The following POU2AF2 variants were observed in gnomAD, a reference collection of about 807,000 sequenced individuals.
The protein encoded by POU2AF2 is POU class 2 homeobox associating factor 2.
the POU2AF2 span, among the ~76,000 whole-genome samples, chr11:111,258,190 A>G: frequency 2.6e-5 from 4 of 152,230 alleles, no homozygotes; most frequent in Non-Finnish European, 5.9e-5. Context: ...GAGAGAAGGA[A>G]TTCAGAATCT....
chr11:111,280,378 G>A, the POU2AF2 span, among the ~76,000 whole-genome samples: 14 of 152,030 alleles, frequency 9.2e-5, no homozygotes, highest in East Asian at 1.9e-4. Flanking sequence ...CCTTAGCCAT[G>A]GTTTCCCTTT....
the POU2AF2 span, among the ~76,000 whole-genome samples, chr11:111,283,915 G>A: frequency 6.6e-5 from 10 of 152,298 alleles, no homozygotes; most frequent in African/African-American, 2.4e-4. Context: ...GCTAATGCAG[G>A]AATATTTCAC....
chr11:111,271,296 C>G, the POU2AF2 span, among the ~76,000 whole-genome samples: 1 of 151,738 alleles, frequency 6.6e-6, no homozygotes, highest in Non-Finnish European at 1.5e-5. Flanking sequence ...GCACTGCAGC[C>G]TGGGTGACAA....
the POU2AF2 span, chr11:111,281,585 G>C: frequency 8.0e-6 from 7 of 872,308 alleles, no homozygotes; most frequent in African/African-American, 1.0e-4. Flanking sequence ...AATCAGCGAA[G>C]GACAGAACTC....
At chr11:111,283,284 C>T in the POU2AF2 span, among the ~76,000 whole-genome samples, 4 of 151,920 alleles carry the variant, frequency 2.6e-5, no homozygotes, top group Non-Finnish European at 5.9e-5. Flanking sequence ...CTCTTGACCT[C>T]GTGATCCGCC....
At chr11:111,269,633 G>A in the POU2AF2 span, among the ~76,000 whole-genome samples, 1 of 152,220 alleles carries the variant, frequency 6.6e-6, no homozygotes, top group Admixed American at 6.5e-5. Context: ...ATCTGGCAGG[G>A]ATGTAGTTCT....
chr11:111,282,727 G>A, the POU2AF2 span, among the ~76,000 whole-genome samples: 2 of 152,222 alleles, frequency 1.3e-5, no homozygotes, highest in Admixed American at 6.5e-5. Context: ...GTCTGCTGCT[G>A]TGGTTGGGGT....
the POU2AF2 span, among the ~76,000 whole-genome samples, chr11:111,278,565 TC>T: frequency 8.6e-5 from 7 of 81,762 alleles, no homozygotes; most frequent in Admixed American, 2.9e-4. Flanking sequence ...TGTCTCTCTC[TC>T]TCTCTCTCTC....
chr11:111,281,272 G>T, the POU2AF2 span: 1 of 681,586 alleles, frequency 1.5e-6, no homozygotes, highest in South Asian at 2.6e-5. Flanking sequence ...TGACCTGAGG[G>T]TCAACCCAAC....
chr11:111,281,182 T>C, the POU2AF2 span, among the ~76,000 whole-genome samples: 8 of 152,234 alleles, frequency 5.3e-5, no homozygotes, highest in African/African-American at 1.9e-4. Flanking sequence ...TTCTGGCATG[T>C]TTATCAAAAT....
At chr11:111,264,582 G>C in the POU2AF2 span, among the ~76,000 whole-genome samples, 1 of 138,706 alleles carries the variant, frequency 7.2e-6, no homozygotes, top group African/African-American at 2.6e-5. Flanking sequence ...GAAAGGGAGA[G>C]AGAAAGACAG....
the POU2AF2 span, among the ~76,000 whole-genome samples, chr11:111,268,055 G>A: frequency 6.6e-6 from 1 of 152,158 alleles, no homozygotes; most frequent in African/African-American, 2.4e-5. Flanking sequence ...AGAAGAAGTC[G>A]AATACAGGTA....
chr11:111,273,835 C>T, the POU2AF2 span, among the ~76,000 whole-genome samples: 10 of 152,066 alleles, frequency 6.6e-5, no homozygotes, highest in Non-Finnish European at 8.8e-5. Flanking sequence ...GTGAGCCTGC[C>T]GTGTTAGCTG....
chr11:111,281,368 GA>G, the POU2AF2 span: 1 of 1,571,168 alleles, frequency 6.4e-7, no homozygotes, highest in African/African-American at 1.4e-5. Flanking sequence ...TACAACTAAA[GA>G]AAACACTTGA....
At chr11:111,279,827 A>C in the POU2AF2 span, among the ~76,000 whole-genome samples, 2 of 151,890 alleles carry the variant, frequency 1.3e-5, no homozygotes, top group African/African-American at 2.4e-5. Context: ...AGATCACCTG[A>C]GGTCAGGAGT....
At chr11:111,266,807 C>T in the POU2AF2 span, among the ~76,000 whole-genome samples, 1 of 152,118 alleles carries the variant, frequency 6.6e-6, no homozygotes, top group Non-Finnish European at 1.5e-5. Context: ...AAATAAGAAT[C>T]AGGTTGAAAG....
chr11:111,285,560 A>G, the POU2AF2 span: 1 of 1,396,266 alleles, frequency 7.2e-7, no homozygotes, highest in Non-Finnish European at 9.6e-7. Flanking sequence ...AGAGGGGACG[A>G]AGGCTGCCCT....
the POU2AF2 span, among the ~76,000 whole-genome samples, chr11:111,278,741 T>G: frequency 6.6e-6 from 1 of 152,230 alleles, no homozygotes; most frequent in Non-Finnish European, 1.5e-5. Flanking sequence ...GTATTTTTCA[T>G]AGGCTTGTCT....
At chr11:111,274,108 T>C in the POU2AF2 span, among the ~76,000 whole-genome samples, 2 of 152,050 alleles carry the variant, frequency 1.3e-5, no homozygotes, top group African/African-American at 4.8e-5. Context: ...GACAATTGAG[T>C]GCACATGCTG....
Sources: allele counts gnomAD v4.1 joint callset (sites outside exome capture counted in the v4.1 genomes callset), GRCh38; gene constraint gnomAD v4.1.1; transcripts MANE v1.5; gene names NCBI Gene and HGNC (gene_info 2026-07-23, HGNC 2026-07-21).